The following METTL15 variants were observed in gnomAD, a reference collection of about 807,000 sequenced individuals.
METTL15 encodes the protein 12S rRNA N(4)-cytidine methyltransferase METTL15.
Under a neutral mutation model 38.3 loss-of-function variants are expected in METTL15, and 34 were observed. The observed-to-expected ratio is 0.89, with a 90% CI of 0.68 to 1.18. The LOEUF is 1.18. Ranked by LOEUF, METTL15 falls within the 50% of genes most tolerant of loss-of-function variation. The pLI, the probability that METTL15 is intolerant of heterozygous loss-of-function variation, is 0.00. For synonymous variants in METTL15, 162 were observed against 170.9 expected (o/e 0.95, Z 0.41); for missense variants, 438 against 498.4 (o/e 0.88, Z 1.15).
Position 28,483,235 on chromosome 11 carries a change from C to G in METTL15, c.*425-43243C>G, listed in dbSNP as rs993356563. Among the ~76,000 whole-genome samples, 8 of 152,228 alleles carry G rather than the reference C, an allele frequency of 5.3e-5. No individual in the cohort carries two copies. In the East Asian group the frequency reaches 1.5e-3, roughly 29 times the overall value. On this transcript the variant is annotated intron_variant and NMD_transcript_variant, in intron 6 of 7. Coordinates refer to the METTL15 transcript ENST00000532947. ...ACATGTTGCCTGGCATTCGACAAGACGACAGAAGACAGCCAGCGTATCTGG... is the reference window on the plus strand; with the variant it reads ...ACATGTTGCCTGGCATTCGACAAGAGGACAGAAGACAGCCAGCGTATCTGG...
chr11:28,338,043 CCT>C (rs1349882949), downstream of METTL15, among the ~76,000 whole-genome samples: 1 of 151,890 alleles, frequency 6.6e-6, no homozygotes, highest in Non-Finnish European at 1.5e-5. Context: ...ACTTTTTACC[CCT>C]GTGTTTCAGC....
chr11:28,430,240 C>G (rs1237435156), intron 6 of METTL15, among the ~76,000 whole-genome samples: 1 of 149,328 alleles, frequency 6.7e-6, no homozygotes, highest in East Asian at 2.0e-4. Flanking sequence ...GGGGTCAGCC[C>G]CCCGCCAGGC....
At chr11:28,340,231 CTA>C (rs1346705125) in intron 3 of METTL15, among the ~76,000 whole-genome samples, 2 of 151,916 alleles carry the variant, frequency 1.3e-5, no homozygotes, top group African/African-American at 4.8e-5. Flanking sequence ...GCATTTTTGA[CTA>C]AAAATCTAGA....
chr11:28,394,376 AT>A (rs1376056900), intron 5 of METTL15, among the ~76,000 whole-genome samples: 17 of 152,114 alleles, frequency 1.1e-4, no homozygotes, highest in Admixed American at 1.1e-3. Context: ...GAACTTTGGC[AT>A]CATTCAATTT....
At chr11:28,347,767 C>T (rs1327845418) in intron 3 of METTL15, among the ~76,000 whole-genome samples, 3 of 152,190 alleles carry the variant, frequency 2.0e-5, no homozygotes, top group Non-Finnish European at 4.4e-5. Flanking sequence ...TCTCCTGTGC[C>T]TAGAATGATT....
At position 28,193,190 on chromosome 11, in the gene METTL15, A is replaced by G. The variant is rs138655876; in HGVS notation, c.271-17872A>G. Among the ~76,000 whole-genome samples, 660 of 152,186 alleles carry G rather than the reference A, an allele frequency of 4.3e-3. 8 individuals are homozygous for G. Among genetic ancestry groups the G allele is most frequent in the African/African-American group, 0.014 (596 of 41,538 alleles). The stretch of plus-strand genomic sequence containing the variant: ...CAAATTCTTTAAAGGATATATTTAT[A>G]TAGATGTTTACCCTCTGTATTAGTC... On this transcript the variant is annotated intron_variant, in intron 3 of 6. Transcript: ENST00000407364.
At chr11:28,281,261 A>G (rs1444138293) in intron 4 of METTL15, among the ~76,000 whole-genome samples, 1 of 152,134 alleles carries the variant, frequency 6.6e-6, no homozygotes, top group Non-Finnish European at 1.5e-5. Context: ...TACTAGTTTA[A>G]TCCCAGTTTT....
In METTL15 at chr11:28,119,814, A is replaced by G. The variant is rs148518314; in HGVS notation, c.270+6210A>G. Among the ~76,000 whole-genome samples, 700 of 152,306 alleles carry G rather than the reference A, an allele frequency of 4.6e-3. 6 individuals carry two copies. Among genetic ancestry groups the G allele is most frequent in the African/African-American group, 0.016 (651 of 41,558 alleles). On this transcript the variant is annotated intron_variant, in intron 3 of 6. Coordinates refer to ENST00000407364, the MANE Select transcript of METTL15 (RefSeq NM_001113528.2). The stretch of plus-strand genomic sequence containing the variant: ...TTAATGGAGAGTAGACATCAAAGAG[A>G]AAAATACTAAAACTGTATGTTTGCT...
chr11:28,271,838 A>G (rs1292877582), intron 4 of METTL15, among the ~76,000 whole-genome samples: 1 of 152,200 alleles, frequency 6.6e-6, no homozygotes, highest in Admixed American at 6.5e-5. Flanking sequence ...AAGGGCTAAT[A>G]TCCATAATCT....
intron 3 of METTL15, among the ~76,000 whole-genome samples, chr11:28,206,492 G>C (rs1462579943): frequency 2.6e-5 from 4 of 152,056 alleles, no homozygotes; most frequent in Non-Finnish European, 5.9e-5. Flanking sequence ...CCAGTACCAT[G>C]CTGTTTTGGT....
chr11:28,146,296 T>A (rs1304639761), intron 3 of METTL15, among the ~76,000 whole-genome samples: 1 of 151,988 alleles, frequency 6.6e-6, no homozygotes, highest in African/African-American at 2.4e-5. Flanking sequence ...ATTTCTTGTG[T>A]AAGAAAAGTT....
At chr11:28,434,293 GC>G (rs1341321019) in intron 6 of METTL15, among the ~76,000 whole-genome samples, 2 of 152,162 alleles carry the variant, frequency 1.3e-5, no homozygotes, top group Non-Finnish European at 2.9e-5. Flanking sequence ...CCTAAGGCCT[GC>G]CCAGCCATGC....
chr11:28,374,088 G>A (rs1302002431), intron 5 of METTL15, among the ~76,000 whole-genome samples: 2 of 152,178 alleles, frequency 1.3e-5, no homozygotes, highest in Admixed American at 1.3e-4. Context: ...ATAGTTTGAA[G>A]TCAGGTAGTG....
chr11:28,360,065 G>A (rs997773673), intron 4 of METTL15, among the ~76,000 whole-genome samples: 1 of 152,142 alleles, frequency 6.6e-6, no homozygotes, highest in Non-Finnish European at 1.5e-5. Context: ...AGAGCTGGAA[G>A]GGGCCTTAAG....
At chr11:28,337,362 T>G (rs1032631659), downstream of METTL15, among the ~76,000 whole-genome samples, 1 of 151,990 alleles carries the variant, frequency 6.6e-6, no homozygotes, top group East Asian at 1.9e-4. Flanking sequence ...CTCCTGAGTT[T>G]TATAGAAATA....
rs1428902894 is a variant in METTL15 at position 28,212,094 on chromosome 11, C to T, written c.407+896C>T. Among the ~76,000 whole-genome samples, 3 of 152,004 alleles carry T rather than the reference C, an allele frequency of 2.0e-5. No individual in the cohort carries two copies. The East Asian group carries it at 5.8e-4, about 29-fold the overall frequency. On this transcript the variant is annotated intron_variant, in intron 4 of 6. Coordinates refer to ENST00000407364, the MANE Select transcript of METTL15 (RefSeq NM_001113528.2). ...ATGACCATGGAAAAGTTTAATCAGA[C>T]ACTAAGAATAGGAAGTGTAATTCGT...
intron 4 of METTL15, among the ~76,000 whole-genome samples, chr11:28,221,702 T>C (rs567282435): frequency 6.6e-6 from 1 of 152,306 alleles, no homozygotes; most frequent in African/African-American, 2.4e-5. Flanking sequence ...CTTTCGTCTT[T>C]GATGATGGTG....
At chr11:28,157,124 A>G (rs1303594419) in intron 3 of METTL15, among the ~76,000 whole-genome samples, 3 of 152,122 alleles carry the variant, frequency 2.0e-5, no homozygotes, top group Non-Finnish European at 4.4e-5. Context: ...TGATCCTGGG[A>G]GAGGTATTCC....
rs564690187 is a variant in METTL15 at position 28,376,137 on chromosome 11, T to C, written c.*358+14101T>C. Among the ~76,000 whole-genome samples the C allele has an allele frequency of 1.0e-2, 1,516 of 151,972 alleles. 13 individuals carry two copies. The highest frequency in any genetic ancestry group is 0.017 in the Non-Finnish European group (1,159 of 67,862). Reference sequence around the variant, plus strand: ...GTGGTGTGGTGCTGAAAAAAATGTATATTCTGTTGATTTGGGGTGGAGAGT... The same window carrying C: ...GTGGTGTGGTGCTGAAAAAAATGTACATTCTGTTGATTTGGGGTGGAGAGT... On this transcript the variant is annotated intron_variant and NMD_transcript_variant, in intron 5 of 7. Transcript: ENST00000532947.
Sources: gnomAD v4.1 joint callset for allele counts (sites outside exome capture counted in the v4.1 genomes callset) on GRCh38, gnomAD v4.1.1 for gene constraint, MANE v1.5 for transcripts, NCBI Gene and HGNC (gene_info 2026-07-23, HGNC 2026-07-21) for gene names.